The following CALR3 variants were observed in gnomAD, a reference collection of about 807,000 sequenced individuals.
CALR3 encodes calreticulin-3.
In CALR3, 39 loss-of-function variants were observed where a neutral mutation model predicts 48.7. That is an observed-to-expected ratio of 0.80 (90% confidence interval 0.62 to 1.05). The LOEUF is 1.05. Among genes scored for constraint, CALR3 ranks in the 50% least tolerant of loss-of-function variants. The pLI, the probability that CALR3 is intolerant of heterozygous loss-of-function variation, is 0.00. For missense variants in CALR3, 449 were observed against 474.7 expected (o/e 0.95, Z 0.50); for synonymous variants, 185 against 172.7 (o/e 1.07, Z -0.56).
At chr19:16,490,271 T>G (rs918686211) in intron 3 of CALR3, 96 bp downstream of exon 3, 32 of 1,085,486 alleles carry the variant, frequency 2.9e-5, no homozygotes, top group Non-Finnish European at 4.5e-5. Flanking sequence ...TACTACTACC[T>G]TCACTACATT....
intron 2 of CALR3, among the ~76,000 whole-genome samples, chr19:16,492,861 CAA>C (rs71178700): frequency 0.2 from 24,278 of 124,418 alleles, 2,037 homozygotes; most frequent in African/African-American, 0.27. Context: ...GACTCCGTCT[CAA>C]AAAAAAAAAA....
chr19:16,493,350 G>A (rs1005211145), intron 2 of CALR3, among the ~76,000 whole-genome samples: 2 of 152,006 alleles, frequency 1.3e-5, no homozygotes, highest in African/African-American at 2.4e-5. Flanking sequence ...TTGACTAATG[G>A]GATCATGGTC....
At chr19:16,492,539 T>C (rs2093399660) in intron 2 of CALR3, among the ~76,000 whole-genome samples, 1 of 151,484 alleles carries the variant, frequency 6.6e-6, no homozygotes, top group African/African-American at 2.4e-5. Flanking sequence ...GAGACCAGCC[T>C]GACCAACATG....
At chr19:16,485,316 C>A in intron 3 of CALR3, 59 bp from the exon 4 acceptor site, 2 of 1,049,794 alleles carry the variant, frequency 1.9e-6, no homozygotes, top group Non-Finnish European at 2.9e-6. Context: ...GTAGAATAAC[C>A]AACCCACAAC....
chr19:16,490,996 G>A (rs1222651578), intron 2 of CALR3, among the ~76,000 whole-genome samples: 1 of 151,986 alleles, frequency 6.6e-6, no homozygotes, highest in Non-Finnish European at 1.5e-5. Context: ...CCTGACCTCA[G>A]GTGACTGCCC....
rs756445681 is a variant in CALR3 at position 16,490,526 on chromosome 19, G to A, written c.238C>T (p.Arg80Cys). ...CCTTTATTGCTGAACGGTTTGAAGC[G>A]TGCAGAGATGGCATAGAATCGGCCA... The part of the protein sequence containing the change: ...QNGRFYAISA[R>C]FKPFSNKGKT... Residue 80 changes from arginine (R) to cysteine (C), a missense_variant, in exon 3 of 9, where the codon CGC (arginine) becomes TGC (cysteine). Physicochemically the swap from Arg to Cys is radical, Grantham distance 180. Transcript: ENST00000269881. 1.8e-5 allele frequency: 29 copies of A among 1,613,982 alleles called. No homozygotes were observed. Among genetic ancestry groups the A allele is most frequent in the Admixed American group, 5.0e-5 (3 of 59,970 alleles).
chr19:16,496,163 C>T lies in CALR3; in HGVS notation c.-34G>A. The T allele has an allele frequency of 1.3e-6, 2 of 1,534,660 alleles. No individual in the cohort carries two copies. Among genetic ancestry groups the T allele is most frequent in the Non-Finnish European group, 8.9e-7 (1 of 1,128,692 alleles). On this transcript the variant is annotated 5_prime_UTR_variant, in exon 1 of 9. Transcript: ENST00000269881. ...GCACTGCGCTTCCGGTCGCCGCCAC[C>T]CCTTAGCTCCCAGCTCTCTCTGCGG...
intron 8 of CALR3, among the ~76,000 whole-genome samples, chr19:16,479,610 T>C (rs1382910524): frequency 7.1e-6 from 1 of 141,148 alleles, no homozygotes; most frequent in Non-Finnish European, 1.5e-5. Flanking sequence ...AAAGCAAAAA[T>C]TAGCTGGGCG....
intron 2 of CALR3, among the ~76,000 whole-genome samples, chr19:16,492,818 C>T (rs1178561980): frequency 6.0e-5 from 9 of 149,912 alleles, no homozygotes; most frequent in East Asian, 2.0e-4. Context: ...GCCGAGATCG[C>T]GCCACTGCAC....
intron 2 of CALR3, among the ~76,000 whole-genome samples, chr19:16,491,879 A>G (rs547837378): frequency 3.2e-4 from 48 of 150,920 alleles, no homozygotes; most frequent in Non-Finnish European, 6.0e-4. Flanking sequence ...GGCTCGCTCT[A>G]TTGCCCAGAC....
At chr19:16,484,223 G>A (rs1039874788) in intron 4 of CALR3, 108 bp from the exon 5 acceptor site, 14 of 1,089,888 alleles carry the variant, frequency 1.3e-5, no homozygotes, top group Non-Finnish European at 1.8e-5. Context: ...TGTCGCCCAG[G>A]TTGGAGCGCT....
Position 16,479,164 on chromosome 19 carries a change from G to A in CALR3, c.1122C>T (p.Tyr374=). 2 of 1,614,112 alleles carry A rather than the reference G, an allele frequency of 1.2e-6. No homozygotes were observed. Among genetic ancestry groups the A allele is most frequent in the Non-Finnish European group, 1.7e-6 (2 of 1,180,030 alleles). The change falls in exon 9 of 9, where the codon TAC becomes TAT. Residue 374 remains tyrosine, a synonymous_variant. Coordinates refer to ENST00000269881, the MANE Select transcript of CALR3 (RefSeq NM_145046.5). Reference sequence around the variant, plus strand: ...CATTCCTTCTGTGAAATTGATTGAAGTAATGTTCGTGCCTGTTAATTTTTC... The same window carrying A: ...CATTCCTTCTGTGAAATTGATTGAAATAATGTTCGTGCCTGTTAATTTTTC... ...LSGKINRHEH[Y]FNQFHRRNEL
Position 16,482,450 on chromosome 19 carries a change from C to T in CALR3, c.918G>A (p.Gln306=). 1.2e-6 allele frequency: 2 copies of T among 1,614,204 alleles called. No homozygotes were observed. Among genetic ancestry groups the T allele is most frequent in the South Asian group, 2.2e-5 (2 of 91,086 alleles). ...NIGAIGLELW[Q]VRSGTIFDNF... ...TAAAGTAAAGTTAAAACCAAATGAC[C>T]TGCCAAAGCTCCAGGCCAATGGCAC... The change falls in exon 7 of 9, where the codon CAG becomes CAA. Residue 306 remains glutamine, a splice_region_variant and synonymous_variant. Transcript: ENST00000269881.
At chr19:16,488,381 G>A (rs2122139454) in intron 3 of CALR3, among the ~76,000 whole-genome samples, 1 of 152,306 alleles carries the variant, frequency 6.6e-6, no homozygotes, top group East Asian at 1.9e-4. Context: ...ACTGTGCCCA[G>A]CTGAGGATGA....
intron 2 of CALR3, among the ~76,000 whole-genome samples, chr19:16,491,563 G>T (rs1190787781): frequency 6.6e-6 from 1 of 151,218 alleles, no homozygotes; most frequent in African/African-American, 2.4e-5. Flanking sequence ...CGGATCACGG[G>T]GTCAGGAGTT....
intron 2 of CALR3, among the ~76,000 whole-genome samples, chr19:16,493,734 A>ATT (rs945850448): frequency 7.4e-6 from 1 of 135,300 alleles, no homozygotes; most frequent in African/African-American, 2.8e-5. Context: ...ATATATATAT[A>ATT]TTTTTTTTCT....
chr19:16,482,516 G>C lies in CALR3; in HGVS notation c.852C>G (p.Asp284Glu). 1.2e-6 allele frequency: 2 copies of C among 1,614,248 alleles called. No homozygotes were observed. Among genetic ancestry groups the C allele is most frequent in the Non-Finnish European group, 1.7e-6 (2 of 1,180,040 alleles). The change falls in exon 7 of 9, where the codon GAC (aspartate) becomes GAG (glutamate). Residue 284 changes from aspartate to glutamate, a missense_variant. Physicochemically the swap from Asp to Glu is conservative, Grantham distance 45. Coordinates refer to ENST00000269881, the MANE Select transcript of CALR3 (RefSeq NM_145046.5). ...CTGAGAGGTCATACTGCGTCAAATAGTCGGTATTCTTCATCTTACGGTGGA... is the reference window on the plus strand; with the variant it reads ...CTGAGAGGTCATACTGCGTCAAATACTCGGTATTCTTCATCTTACGGTGGA... ...VWLHRKMKNT[D>E]YLTQYDLSEF...
chr19:16,480,525 C>CT (rs2093378981), intron 8 of CALR3, 89 bp downstream of exon 8: 2 of 848,776 alleles, frequency 2.4e-6, no homozygotes, highest in South Asian at 2.8e-5. Flanking sequence ...ACATTACAGC[C>CT]TGGGTGACAG....
At chr19:16,479,382 G>A (rs1188698623) in intron 8 of CALR3, 108 bp from the exon 9 acceptor site, 13 of 1,242,576 alleles carry the variant, frequency 1.0e-5, no homozygotes, top group Middle Eastern at 2.3e-4. Context: ...TCAGGAGATC[G>A]AGACCATCCC....
Sources: gnomAD v4.1 joint callset for allele counts (sites outside exome capture counted in the v4.1 genomes callset) on GRCh38, gnomAD v4.1.1 for gene constraint, MANE v1.5 for transcripts, NCBI Gene and HGNC (gene_info 2026-07-23, HGNC 2026-07-21) for gene names.